OPCML: variants seen among roughly 807,000 people sequenced by gnomAD.
OPCML encodes the protein opioid binding protein/cell adhesion molecule like.
A neutral mutation model predicts 37.8 loss-of-function variants in OPCML; 13 were observed. The observed-to-expected ratio is 0.34, with a 90% CI of 0.22 to 0.55. The LOEUF (loss-of-function observed/expected upper bound fraction) is 0.55, where lower values mean the gene tolerates loss of function less well. Among genes scored for constraint, OPCML ranks in the 20% least tolerant of loss-of-function variants. OPCML has a pLI of 0.91. For missense variants in OPCML, 341 were observed against 435.6 expected, an observed-to-expected ratio of 0.78 and a Z score of 1.93; for synonymous variants, 176 against 168.8, an observed-to-expected ratio of 1.04 and a Z score of -0.33.
At chr11:133,088,956 C>A (rs1481295721) in intron 1 of OPCML, among the ~76,000 whole-genome samples, 1 of 152,140 alleles carries the variant, frequency 6.6e-6, no homozygotes, top group Non-Finnish European at 1.5e-5. Flanking sequence ...GAAAATATCT[C>A]CAAAAGTTCC....
At chr11:132,425,327 A>C (rs1313107716) in intron 7 of OPCML, among the ~76,000 whole-genome samples, 1 of 152,180 alleles carries the variant, frequency 6.6e-6, no homozygotes, top group Non-Finnish European at 1.5e-5. Context: ...AAATAACCCT[A>C]AATCCCTTTC....
intron 1 of OPCML, among the ~76,000 whole-genome samples, chr11:133,161,838 AG>A (rs1179399920): frequency 6.6e-6 from 1 of 152,190 alleles, no homozygotes; most frequent in Non-Finnish European, 1.5e-5. Context: ...ATTTTGACAC[AG>A]AAGAAAACAA....
At chr11:132,431,002 T>G (rs1332246916) in intron 7 of OPCML, among the ~76,000 whole-genome samples, 4 of 152,270 alleles carry the variant, frequency 2.6e-5, no homozygotes, top group Admixed American at 2.6e-4. Flanking sequence ...GGGACAGAGC[T>G]GTGGTCAGCA....
At chr11:133,460,669 T>C (rs1481659812) in intron 1 of OPCML, among the ~76,000 whole-genome samples, 2 of 151,876 alleles carry the variant, frequency 1.3e-5, no homozygotes, top group Non-Finnish European at 3.0e-5. Flanking sequence ...AATAGACCTA[T>C]AACTAATAAG....
intron 1 of OPCML, among the ~76,000 whole-genome samples, chr11:133,101,571 T>C (rs895756136): frequency 3.3e-5 from 5 of 152,050 alleles, no homozygotes; most frequent in African/African-American, 1.2e-4. Flanking sequence ...ATATCAAATG[T>C]TGATGAGGAT....
At chr11:133,404,128 G>A (rs919207802) in intron 1 of OPCML, among the ~76,000 whole-genome samples, 3 of 151,328 alleles carry the variant, frequency 2.0e-5, no homozygotes, top group African/African-American at 7.3e-5. Context: ...GCTCCAATCC[G>A]GCCTCAGTCT....
intron 2 of OPCML, among the ~76,000 whole-genome samples, chr11:132,875,589 C>T (rs1165176890): frequency 6.6e-6 from 1 of 151,958 alleles, no homozygotes; most frequent in Admixed American, 6.6e-5. Flanking sequence ...CTCAGCCTCC[C>T]GAGTAGCTGT....
At chr11:133,304,045 A>G (rs1165821787) in intron 1 of OPCML, among the ~76,000 whole-genome samples, 1 of 152,210 alleles carries the variant, frequency 6.6e-6, no homozygotes, top group Admixed American at 6.5e-5. Flanking sequence ...TAACTGATAG[A>G]ATTGATAAAT....
At chr11:133,228,594 C>T (rs964515326) in intron 1 of OPCML, among the ~76,000 whole-genome samples, 1 of 152,236 alleles carries the variant, frequency 6.6e-6, no homozygotes, top group East Asian at 1.9e-4. Flanking sequence ...TGCGCCCTGC[C>T]GGGCCTCCCC....
intron 1 of OPCML, among the ~76,000 whole-genome samples, chr11:133,085,737 G>A (rs190378454): frequency 4.1e-4 from 62 of 152,296 alleles, no homozygotes; most frequent in Non-Finnish European, 6.9e-4. Flanking sequence ...AAGACAAGTC[G>A]GAATTTTGAC....
chr11:132,872,462 G>A (rs1396950248), intron 2 of OPCML, among the ~76,000 whole-genome samples: 3 of 152,002 alleles, frequency 2.0e-5, no homozygotes, highest in Admixed American at 6.6e-5. Context: ...GCGACAACAG[G>A]GCACATTTTC....
intron 1 of OPCML, among the ~76,000 whole-genome samples, chr11:133,140,952 A>AC (rs1949796274): frequency 4.9e-4 from 1 of 2,030 alleles, no homozygotes; most frequent in African/African-American, 6.9e-4. Context: ...AAGACGACGA[A>AC]GAAGAAGAAG....
intron 4 of OPCML, among the ~76,000 whole-genome samples, chr11:132,451,508 T>C (rs1302905019): frequency 6.6e-6 from 1 of 152,038 alleles, no homozygotes; most frequent in Non-Finnish European, 1.5e-5. Context: ...TTGAAGAAAA[T>C]ACCCAGCTCT....
intron 2 of OPCML, among the ~76,000 whole-genome samples, chr11:132,674,328 G>A (rs1313514864): frequency 6.6e-6 from 1 of 152,192 alleles, no homozygotes; most frequent in Admixed American, 6.5e-5. Flanking sequence ...CAAAGCCTCT[G>A]AAACAGGAAG....
intron 2 of OPCML, among the ~76,000 whole-genome samples, chr11:132,888,404 A>G (rs1943504760): frequency 6.6e-6 from 1 of 152,204 alleles, no homozygotes; most frequent in Non-Finnish European, 1.5e-5. Context: ...AAGGAAGCAC[A>G]GCCATGCCTT....
At chr11:132,431,294 C>G (rs1353953236) in intron 7 of OPCML, among the ~76,000 whole-genome samples, 3 of 152,256 alleles carry the variant, frequency 2.0e-5, no homozygotes, top group Non-Finnish European at 4.4e-5. Flanking sequence ...TCATCTTGCT[C>G]TGCTTTTCTG....
At chr11:133,285,918 G>A (rs1942283099) in intron 1 of OPCML, among the ~76,000 whole-genome samples, 1 of 152,064 alleles carries the variant, frequency 6.6e-6, no homozygotes, top group Non-Finnish European at 1.5e-5. Flanking sequence ...CTGATTCATT[G>A]GAAAGACATA....
At chr11:133,037,905 C>G (rs749185236) in intron 1 of OPCML, among the ~76,000 whole-genome samples, 9 of 152,204 alleles carry the variant, frequency 5.9e-5, no homozygotes, top group Admixed American at 2.0e-4. Context: ...ACACTCTTGC[C>G]CCTTCTGGCT....
chr11:133,427,719 T>A (rs1946032074), intron 1 of OPCML, among the ~76,000 whole-genome samples: 1 of 152,104 alleles, frequency 6.6e-6, no homozygotes, highest in South Asian at 2.1e-4. Flanking sequence ...ACTATCAAGT[T>A]TTTTTTAAAG....
Sources: allele counts gnomAD v4.1 joint callset (sites outside exome capture counted in the v4.1 genomes callset), GRCh38; gene constraint gnomAD v4.1.1; transcripts MANE v1.5; gene names NCBI Gene and HGNC (gene_info 2026-07-23, HGNC 2026-07-21).